Variants in IL1RN observed in about 807,000 individuals in gnomAD.
The protein encoded by IL1RN is interleukin-1 receptor antagonist protein.
Under a neutral mutation model 13.7 loss-of-function variants are expected in IL1RN, and 10 were observed. That is an observed-to-expected ratio of 0.73 (90% CI 0.45 to 1.24). The LOEUF (loss-of-function observed/expected upper bound fraction) is 1.24. Ranked by LOEUF, IL1RN falls within the 50% of genes most tolerant of loss-of-function variation. IL1RN has a pLI of 0.00. For synonymous variants in IL1RN, 102 were observed against 82.7 expected, an observed-to-expected ratio of 1.23 and a Z score of -1.27; for missense variants, 213 against 222.1, an observed-to-expected ratio of 0.96 and a Z score of 0.26.
upstream of IL1RN, among the ~76,000 whole-genome samples, chr2:113,108,153 T>C (rs1401460654): frequency 6.6e-6 from 1 of 152,160 alleles, no homozygotes; most frequent in Non-Finnish European, 1.5e-5. Flanking sequence ...CTCTAATTTC[T>C]AGAGGCATTT....
At chr2:113,109,712 G>A (rs1015174220), upstream of IL1RN, among the ~76,000 whole-genome samples, 1 of 149,542 alleles carries the variant, frequency 6.7e-6, no homozygotes, top group Non-Finnish European at 1.5e-5. Flanking sequence ...ACATAGTGAT[G>A]AAGCACTTAA....
At chr2:113,114,898 C>A (rs1686564905), upstream of IL1RN, among the ~76,000 whole-genome samples, 1 of 151,938 alleles carries the variant, frequency 6.6e-6, no homozygotes, top group African/African-American at 2.4e-5. Context: ...GTCAGTGGAG[C>A]AGGGGAGGGA....
chr2:113,127,682 C>T lies in IL1RN; in HGVS notation c.58C>T (p.His20Tyr), dbSNP rs755803786. The T allele has an allele frequency of 7.4e-6, 12 of 1,614,160 alleles. No homozygotes were observed. The highest frequency in any genetic ancestry group is 1.0e-5 in the Non-Finnish European group (12 of 1,180,040). Residue 20 changes from histidine to tyrosine, a missense_variant, in exon 1 of 4, where the codon CAT becomes TAT. His to Tyr is a moderately conservative substitution (Grantham distance 83). Transcript: ENST00000409930. ...HLITLLLFLF[H>Y]SETICRPSGR... ...AATCACTCTCCTCCTCTTCCTGTTC[C>T]ATTCAGAGACGATCTGCCGACCCTC...
chr2:113,123,593 C>T (rs1291946123), upstream of IL1RN, among the ~76,000 whole-genome samples: 2 of 152,180 alleles, frequency 1.3e-5, no homozygotes, highest in Non-Finnish European at 2.9e-5. Flanking sequence ...AGTGAACCAT[C>T]TCAGGGTACA....
chr2:113,118,674 T>C (rs542166992), intron 1 of IL1RN, among the ~76,000 whole-genome samples: 2 of 152,356 alleles, frequency 1.3e-5, no homozygotes, highest in African/African-American at 4.8e-5. Context: ...TTAGGATTTG[T>C]GTGGGGCAAA....
chr2:113,132,546 G>A (rs903292921), intron 3 of IL1RN, 110 bp from the exon 4 acceptor site: 3 of 969,906 alleles, frequency 3.1e-6, no homozygotes, highest in African/African-American at 1.6e-5. Flanking sequence ...CATTTCCCCT[G>A]TACTAACTCT....
At chr2:113,115,075 A>G (rs1258758797), upstream of IL1RN, among the ~76,000 whole-genome samples, 1 of 152,236 alleles carries the variant, frequency 6.6e-6, no homozygotes, top group African/African-American at 2.4e-5. Context: ...GGGCTTGTCT[A>G]TGACCGTAAA....
rs1687085849 is a variant in IL1RN, at chr2:113,129,559, G to A, written c.117-17G>A. On this transcript the variant is annotated splice_polypyrimidine_tract_variant and intron_variant, in intron 1 of 3. Coordinates refer to ENST00000409930, the MANE Select transcript of IL1RN (RefSeq NM_173842.3). ...CATGGTGGCTGTGCACTACAGCTGA[G>A]TCCTTTTCCTTTTCAGAATCTGGGA... 1 of 1,545,964 alleles carries A rather than the reference G, an allele frequency of 6.5e-7. No individual in the cohort carries two copies.
At position 113,132,984 on chromosome 2, in the gene IL1RN, G is replaced by T; in HGVS notation, c.*113G>T. On this transcript the variant is annotated 3_prime_UTR_variant, in exon 4 of 4. Transcript: ENST00000409930. ...GGGCACTGAGGACCAGCCATTGAGG[G>T]GTGGACCCTCAGAAGGCGTCACAAC... is the stretch of plus-strand genomic sequence containing the variant. 2 of 1,026,918 alleles carry T rather than the reference G, an allele frequency of 1.9e-6. No individual in the cohort carries two copies. The highest frequency in any genetic ancestry group is 1.3e-5 in the South Asian group (1 of 77,060). 63.6% of individuals were successfully genotyped at this position (1,026,918 alleles called of 1,614,324 possible). A position where few individuals can be genotyped will look rare whatever the true frequency, so the allele number is the denominator to read the frequency against.
intron 2 of IL1RN, among the ~76,000 whole-genome samples, chr2:113,120,522 T>G (rs551083636): frequency 7.5e-4 from 114 of 152,314 alleles, no homozygotes; most frequent in South Asian, 2.7e-3. Context: ...GTTCATAATT[T>G]AGAATAATCC....
chr2:113,104,612 A>G (rs1444771034), upstream of IL1RN, among the ~76,000 whole-genome samples: 1 of 151,868 alleles, frequency 6.6e-6, no homozygotes, highest in Non-Finnish European at 1.5e-5. Context: ...GGATTTCAAC[A>G]CCTCCCTTTA....
At chr2:113,106,922 CA>C (rs1192535536), upstream of IL1RN, among the ~76,000 whole-genome samples, 1 of 152,076 alleles carries the variant, frequency 6.6e-6, no homozygotes, top group African/African-American at 2.4e-5. Context: ...AGAAATAATA[CA>C]TACAGTTATT....
At chr2:113,114,227 T>C (rs1358229106), upstream of IL1RN, among the ~76,000 whole-genome samples, 6 of 152,214 alleles carry the variant, frequency 3.9e-5, no homozygotes. Flanking sequence ...TCTGTTTGCT[T>C]GTTCTTCTCT....
chr2:113,124,094 C>A (rs1360589745), upstream of IL1RN, among the ~76,000 whole-genome samples: 2 of 152,150 alleles, frequency 1.3e-5, no homozygotes, highest in African/African-American at 4.8e-5. Flanking sequence ...CTCCTGTTGT[C>A]TCTAGTGTCT....
upstream of IL1RN, among the ~76,000 whole-genome samples, chr2:113,108,217 C>T (rs1238503340): frequency 6.6e-6 from 1 of 151,510 alleles, no homozygotes; most frequent in Non-Finnish European, 1.5e-5. Context: ...CAGTGGCAGT[C>T]GAGTCCTTCT....
In IL1RN at chr2:113,120,081, A is replaced by T. The variant is rs749244809; in HGVS notation, c.26A>T (p.Glu9Val). ...TCCCTTACAGCTGACTTGTATGAAG[A>T]AGGAGGTGGAGGAGGAGGAGAAGGT... is the stretch of plus-strand genomic sequence containing the variant. The change falls in exon 2 of 6, where the codon GAA becomes GTA. Residue 9 changes from glutamate to valine, a missense_variant. Physicochemically the swap from Glu to Val is moderately radical, Grantham distance 121. Transcript: ENST00000259206. 5.6e-6 allele frequency: 9 copies of T among 1,613,258 alleles called. No individual in the cohort carries two copies. Among genetic ancestry groups the T allele is most frequent in the Non-Finnish European group, 5.9e-6 (7 of 1,179,560 alleles).
upstream of IL1RN, among the ~76,000 whole-genome samples, chr2:113,116,401 C>T (rs1686593232): frequency 2.0e-5 from 3 of 152,076 alleles, no homozygotes; most frequent in Middle Eastern, 3.2e-3. Flanking sequence ...AAACCTTACA[C>T]ACCTTGGCAT....
chr2:113,099,803 C>T, the IL1RN span, among the ~76,000 whole-genome samples: 6 of 129,538 alleles, frequency 4.6e-5, no homozygotes, highest in East Asian at 6.5e-4. Flanking sequence ...GGCGGGATCT[C>T]GGCTCACTGC....
upstream of IL1RN, chr2:113,117,643 A>G (rs575814177): frequency 4.6e-5 from 19 of 410,316 alleles, no homozygotes; most frequent in Non-Finnish European, 6.3e-5. Flanking sequence ...CACATGCATG[A>G]GCTGGCGGCA....
Sources: gnomAD v4.1 joint callset for allele counts (sites outside exome capture counted in the v4.1 genomes callset) on GRCh38, gnomAD v4.1.1 for gene constraint, MANE v1.5 for transcripts, NCBI Gene and HGNC (gene_info 2026-07-23, HGNC 2026-07-21) for gene names.